Variants in PEG3 observed in about 807,000 individuals in gnomAD.
PEG3 encodes the protein paternally expressed 3, also known as paternally-expressed gene 3 protein.
A neutral mutation model predicts 35.5 loss-of-function variants in PEG3; 23 were observed. The ratio of observed to expected loss-of-function variants is 0.65; its 90% CI spans 0.47 to 0.92. The LOEUF is 0.92. Among genes scored for constraint, PEG3 ranks in the 40% least tolerant of loss-of-function variants. PEG3 has a pLI of 0.00. For missense variants in PEG3, 1,960 were observed against 1,985.3 expected, an observed-to-expected ratio of 0.99 and a Z score of 0.24; for synonymous variants, 707 against 697.0, an observed-to-expected ratio of 1.01 and a Z score of -0.23.
Position 56,810,825 on chromosome 19 carries a change from T to G in PEG3, c.*2850A>C. ...TGTTAGGTGTTGGGAATATAGGTAA[T>G]TTTTTAAAATAATTTACTTTATTTT... On this transcript the variant is annotated 3_prime_UTR_variant, in exon 10 of 10. Transcript: ENST00000326441. 2.1e-6 allele frequency: 2 copies of G among 970,360 alleles called. No homozygotes were observed. The highest frequency in any genetic ancestry group is 2.5e-6 in the Non-Finnish European group (2 of 816,226). 60.1% of individuals were successfully genotyped at this position (970,360 alleles called of 1,614,324 possible). A position where few individuals can be genotyped will look rare whatever the true frequency, so the allele number is the denominator to read the frequency against.
intron 7 of PEG3, among the ~76,000 whole-genome samples, chr19:56,820,532 T>A (rs369180964): frequency 1.3e-5 from 2 of 152,314 alleles, no homozygotes; most frequent in East Asian, 3.9e-4. Flanking sequence ...ACCTGGCCCT[T>A]GGTTTGGTTC....
chr19:56,814,450 A>G lies in PEG3; in HGVS notation c.3992T>C (p.Phe1331Ser), dbSNP rs2059791290. 1 of 1,613,746 alleles carries G rather than the reference A, an allele frequency of 6.2e-7. No individual in the cohort carries two copies. Among genetic ancestry groups the G allele is most frequent in the Non-Finnish European group, 8.5e-7 (1 of 1,179,742 alleles). The part of the protein sequence containing the change: ...LTEPLKGAIP[F>S]YECKDCGKSF... ...CTTACCACAATCCTTGCATTCATAG[A>G]ATGGTATAGCTCCTTTGAGGGGCTC... Residue 1331 changes from phenylalanine (F) to serine (S), a missense_variant, in exon 10 of 10, where the codon TTC (phenylalanine) becomes TCC (serine). By Grantham distance (155) the Phe-to-Ser change is radical (BLOSUM62 -2). Around this residue, in one of 5 missense-constraint regions of PEG3, gnomAD observed 416 missense variants for 416.7 expected, o/e 1.00. Transcript: ENST00000326441. This position sits in a 1 kb window ranked among gnomAD's most constrained non-coding sequence, Gnocchi z 5.8.
rs780388034 is a variant in PEG3 at position 56,814,817 on chromosome 19, G to A, written c.3625C>T (p.Arg1209Trp). 1.1e-5 allele frequency: 17 copies of A among 1,614,034 alleles called. No individual in the cohort carries two copies. Among genetic ancestry groups the A allele is most frequent in the Admixed American group, 1.7e-5 (1 of 60,010 alleles). Reference sequence around the variant, plus strand: ...TTCCTCTCTGCAGCACGATTCCTCCGTGGCTTCATGGGCAAGAGGGCAATA... The same window carrying A: ...TTCCTCTCTGCAGCACGATTCCTCCATGGCTTCATGGGCAAGAGGGCAATA... ...GFIALLPMKP[R>W]RNRAAERNPA... Residue 1209 changes from arginine to tryptophan, a missense_variant, in exon 10 of 10, where the codon CGG becomes TGG. This residue lies in a region of PEG3 where 124 missense variants were observed against 179.6 expected (regional missense o/e 0.69). Transcript: ENST00000326441. The surrounding 1 kb of genome is among the most constrained non-coding windows in gnomAD (Gnocchi z 5.8).
chr19:56,824,553 T>C lies in PEG3; in HGVS notation c.103A>G (p.Ile35Val). The stretch of plus-strand genomic sequence containing the variant: ...TCAGAGTCAGTTGGACCTTCTCCTA[T>C]GATGACATCCGGCTCCTTAGTCAAG... ...SDLTKEPDVI[I>V]GEGPTDSEFF... The change falls in exon 4 of 10, where the codon ATA (isoleucine) becomes GTA (valine). Residue 35 changes from isoleucine to valine, a missense_variant. This residue lies in a region of PEG3 where 613 missense variants were observed against 577.1 expected (regional missense o/e 1.06). Transcript: ENST00000326441. The C allele has an allele frequency of 6.2e-7, 1 of 1,614,184 alleles. No homozygotes were observed. Among genetic ancestry groups the C allele is most frequent in the Non-Finnish European group, 8.5e-7 (1 of 1,180,024 alleles).
In PEG3 at chr19:56,816,848, G is replaced by A; in HGVS notation, c.1594C>T (p.Leu532Phe). The change falls in exon 10 of 10, where the codon CTT becomes TTT. Residue 532 changes from leucine (L) to phenylalanine (F), a missense_variant. Leu to Phe is a conservative substitution (Grantham distance 22). This residue lies in a region of PEG3 where 798 missense variants were observed against 782.4 expected (regional missense o/e 1.02). Coordinates refer to ENST00000326441, the MANE Select transcript of PEG3 (RefSeq NM_006210.3). ...EHRKIHARGY[L>F]VECKNQECEE... ...CATTCCTGATTCTTACATTCCACAAGATAACCTCTAGCATGAATCTTCCGA... is the reference window on the plus strand; with the variant it reads ...CATTCCTGATTCTTACATTCCACAAAATAACCTCTAGCATGAATCTTCCGA... 2 of 1,614,126 alleles carry A rather than the reference G, an allele frequency of 1.2e-6. No homozygotes were observed. Among genetic ancestry groups the A allele is most frequent in the Non-Finnish European group, 1.7e-6 (2 of 1,180,004 alleles).
At chr19:56,820,879 A>T (rs1227300293) in intron 7 of PEG3, among the ~76,000 whole-genome samples, 1 of 152,160 alleles carries the variant, frequency 6.6e-6, no homozygotes, top group Admixed American at 6.5e-5. Flanking sequence ...CTGATATGTG[A>T]AGGAAAGGAA....
rs747005944 is a variant in PEG3, at chr19:56,815,144, CCTT to C, written c.3295_3297del (p.Lys1099del). The C allele has an allele frequency of 6.2e-7, 1 of 1,613,962 alleles. No homozygotes were observed. Among genetic ancestry groups the C allele is most frequent in the Non-Finnish European group, 8.5e-7 (1 of 1,179,960 alleles). ...TCATAGATTTTGTCATCAGGGTCAT[CCTT>C]CTGAGGGTCTTCCATGTCTGAGCCT... On this transcript the variant is annotated inframe_deletion, in exon 10 of 10. Coordinates refer to ENST00000326441, the MANE Select transcript of PEG3 (RefSeq NM_006210.3).
At chr19:56,829,942 G>C (rs572286385) in intron 2 of PEG3, among the ~76,000 whole-genome samples, 1 of 152,232 alleles carries the variant, frequency 6.6e-6, no homozygotes, top group South Asian at 2.1e-4. Context: ...CAGAAGATAC[G>C]TGTTTGCAGG....
intron 8 of PEG3, among the ~76,000 whole-genome samples, chr19:56,818,137 T>C (rs2060148429): frequency 1.3e-5 from 2 of 152,226 alleles, no homozygotes; most frequent in South Asian, 4.1e-4. Flanking sequence ...AAGTCCTCTT[T>C]TCCACTGGCC....
At chr19:56,821,867 G>A (rs2060522698) in intron 6 of PEG3, 113 bp from the exon 7 acceptor site, 3 of 1,126,538 alleles carry the variant, frequency 2.7e-6, no homozygotes, top group Non-Finnish European at 3.9e-6. Flanking sequence ...GAGAGCAAGT[G>A]CCTTTCTCTT....
In PEG3 at chr19:56,816,052, C is replaced by A. The variant is rs35947541; in HGVS notation, c.2390G>T (p.Ser797Ile). ...AQKSHSVAGPSKPKVMAESTI... is the reference protein window; with the variant it reads ...AQKSHSVAGPIKPKVMAESTI... ...AGACTCTGCCATTACTTTTGGTTTACTGGGCCCTGCTACACTGTGACTTTT... is the reference window on the plus strand; with the variant it reads ...AGACTCTGCCATTACTTTTGGTTTAATGGGCCCTGCTACACTGTGACTTTT... Residue 797 changes from serine to isoleucine, a missense_variant, in exon 10 of 10, where the codon AGT becomes ATT. Ser to Ile is a moderately radical substitution (Grantham distance 142, BLOSUM62 -2). Coordinates refer to ENST00000326441, the MANE Select transcript of PEG3 (RefSeq NM_006210.3). 1.5e-3 allele frequency: 2,439 copies of A among 1,598,614 alleles called. 21 individuals are homozygous for A. In the African/African-American group the frequency reaches 0.022, roughly 15 times the overall value.
intron 2 of PEG3, among the ~76,000 whole-genome samples, chr19:56,827,292 A>G (rs2061134689): frequency 6.6e-6 from 1 of 152,240 alleles, no homozygotes; most frequent in Non-Finnish European, 1.5e-5. Context: ...CAAGAAATTC[A>G]GGATTAAACA....
rs148076163 is a variant in PEG3, at chr19:56,815,219, T to C, written c.3223A>G (p.Ser1075Gly). 357 of 1,613,850 alleles carry C rather than the reference T, an allele frequency of 2.2e-4. No individual in the cohort carries two copies. Among genetic ancestry groups the C allele is most frequent in the South Asian group, 9.9e-5 (9 of 91,070 alleles). Reference protein sequence around the residue: ...GENTDGEETHSEETHGQETIE... With the variant: ...GENTDGEETHGEETHGQETIE... The stretch of plus-strand genomic sequence containing the variant: ...GTCTCCTGACCATGGGTCTCCTCGC[T>C]GTGGGTCTCCTCCCCATCAGTATTC... The change falls in exon 10 of 10, where the codon AGC (serine) becomes GGC (glycine). Residue 1075 changes from serine (S) to glycine (G), a missense_variant. Around this residue, in one of 5 missense-constraint regions of PEG3, gnomAD observed 798 missense variants for 782.4 expected, o/e 1.02. Coordinates refer to ENST00000326441, the MANE Select transcript of PEG3 (RefSeq NM_006210.3).
intron 1 of PEG3, among the ~76,000 whole-genome samples, chr19:56,840,281 C>A (rs1298419445): frequency 2.0e-5 from 3 of 152,220 alleles, no homozygotes; most frequent in Non-Finnish European, 2.9e-5. Flanking sequence ...GCGCGGAGAC[C>A]CTGCAGCAGC....
intron 2 of PEG3, 140 bp downstream of exon 2, chr19:56,835,878 G>C: frequency 2.7e-6 from 1 of 370,874 alleles, no homozygotes; most frequent in Non-Finnish European, 5.6e-6. Flanking sequence ...CACCAGAAGA[G>C]TCTGGGTGTT....
At chr19:56,833,749 G>C (rs1018417340) in intron 2 of PEG3, 1 of 154,932 alleles carries the variant, frequency 6.5e-6, no homozygotes, top group Non-Finnish European at 1.4e-5. Flanking sequence ...AAGGTATCCA[G>C]TCTGGTCCAA....
intron 2 of PEG3, among the ~76,000 whole-genome samples, chr19:56,827,376 C>T (rs1236878969): frequency 6.6e-6 from 1 of 151,812 alleles, no homozygotes; most frequent in Non-Finnish European, 1.5e-5. Flanking sequence ...TCAATAGAAG[C>T]CATTGAAAAA....
intron 2 of PEG3, among the ~76,000 whole-genome samples, chr19:56,829,579 G>A (rs1303860448): frequency 1.3e-5 from 2 of 152,182 alleles, no homozygotes; most frequent in Non-Finnish European, 2.9e-5. Context: ...AGAGCCAAAG[G>A]CAGGAAGAGG....
At chr19:56,824,784 G>A (rs1048526024) in intron 3 of PEG3, 43 bp from the exon 4 acceptor site, 30 of 903,916 alleles carry the variant, frequency 3.3e-5, no homozygotes, top group Admixed American at 2.2e-4. Context: ...AGAAGTTGAA[G>A]ACCAGGCAGC....
Sources: allele counts gnomAD v4.1 joint callset (sites outside exome capture counted in the v4.1 genomes callset), GRCh38; gene constraint gnomAD v4.1.1; regional missense constraint gnomAD v4.1.1; non-coding constraint Gnocchi (gnomAD v3.1); transcripts MANE v1.5; gene names NCBI Gene and HGNC (gene_info 2026-07-23, HGNC 2026-07-21).